Variants in TMEM117 observed in about 807,000 individuals in gnomAD.
TMEM117 encodes transmembrane protein 117.
Under a neutral mutation model 52.4 loss-of-function variants are expected in TMEM117, and 27 were observed. The observed-to-expected ratio is 0.51, with a 90% CI of 0.38 to 0.71. The LOEUF is 0.71. Ranked by LOEUF, TMEM117 falls within the 30% of genes least tolerant of loss-of-function variation. The pLI, the probability that TMEM117 is intolerant of heterozygous loss-of-function variation, is 0.00. For missense variants in TMEM117, 556 were observed against 630.5 expected (o/e 0.88, Z 1.26); for synonymous variants, 215 against 206.3 (o/e 1.04, Z -0.36).
intron 4 of TMEM117, among the ~76,000 whole-genome samples, chr12:44,170,514 A>G (rs565184490): frequency 2.8e-4 from 43 of 152,182 alleles, no homozygotes; most frequent in Non-Finnish European, 5.4e-4. Flanking sequence ...CCTGCTTTGT[A>G]GTAAGTTTTG....
chr12:44,343,183 C>T (rs1035006708), intron 6 of TMEM117, among the ~76,000 whole-genome samples: 1 of 151,890 alleles, frequency 6.6e-6, no homozygotes, highest in African/African-American at 2.4e-5. Flanking sequence ...AAACTCCTGA[C>T]CTCAAGTGAT....
At chr12:43,804,628 T>C in the TMEM117 span, 1 of 1,221,798 alleles carries the variant, frequency 8.2e-7, no homozygotes, top group South Asian at 1.4e-5. Context: ...AATACTTTCC[T>C]ATCTATATTG....
At chr12:44,226,533 AATATAC>A (rs1173856585) in intron 5 of TMEM117, among the ~76,000 whole-genome samples, 1 of 134,982 alleles carries the variant, frequency 7.4e-6, no homozygotes, top group African/African-American at 2.8e-5. Context: ...GTACACATAT[AATATAC>A]ATGTTGTTAT....
intron 2 of TMEM117, among the ~76,000 whole-genome samples, chr12:43,869,663 T>TTA (rs1251844101): frequency 5.9e-5 from 9 of 152,242 alleles, no homozygotes; most frequent in Admixed American, 1.3e-4. Flanking sequence ...TAAACTGTAA[T>TTA]GCTTTCTTTT....
In TMEM117 at chr12:44,263,236, A is replaced by C. The variant is rs192771403; in HGVS notation, c.609-36344A>C. On this transcript the variant is annotated intron_variant, in intron 5 of 7. Coordinates refer to ENST00000266534, the MANE Select transcript of TMEM117 (RefSeq NM_032256.3). ...TGTGGTGTTTCTTTAATGTGGTCAA[A>C]AAACATATGAAAAAAAGCTCATCAT... 2.4e-3 allele frequency among the ~76,000 whole-genome samples: 367 copies of C among 152,324 alleles called. 12 individuals are homozygous for C. In the East Asian group the frequency reaches 0.035, roughly 15 times the overall value.
intron 4 of TMEM117, among the ~76,000 whole-genome samples, chr12:44,186,694 G>A (rs1261719398): frequency 1.3e-5 from 2 of 152,044 alleles, no homozygotes; most frequent in African/African-American, 2.4e-5. Context: ...TAATTTTACT[G>A]TGTCTAATAT....
At chr12:44,033,851 T>C (rs1946671427) in intron 3 of TMEM117, among the ~76,000 whole-genome samples, 1 of 152,230 alleles carries the variant, frequency 6.6e-6, no homozygotes, top group African/African-American at 2.4e-5. Context: ...ATTCTGCCAC[T>C]GGACGTTACT....
At chr12:43,999,304 T>G (rs757682054) in intron 3 of TMEM117, among the ~76,000 whole-genome samples, 1 of 152,230 alleles carries the variant, frequency 6.6e-6, no homozygotes, top group Non-Finnish European at 1.5e-5. Context: ...AGGTTTCTTT[T>G]AAAATGCATA....
At chr12:43,895,430 G>A (rs1216730526) in intron 2 of TMEM117, among the ~76,000 whole-genome samples, 1 of 152,064 alleles carries the variant, frequency 6.6e-6, no homozygotes, top group Non-Finnish European at 1.5e-5. Flanking sequence ...CTGTGGCTTT[G>A]CTATTGTGAA....
intron 2 of TMEM117, among the ~76,000 whole-genome samples, chr12:43,868,396 T>TA (rs200314456): frequency 0.062 from 9,296 of 149,160 alleles, 357 homozygotes; most frequent in Middle Eastern, 0.13. Context: ...ATAATAATAA[T>TA]AAAAAAAAAG....
intron 2 of TMEM117, among the ~76,000 whole-genome samples, chr12:43,900,900 C>G (rs903054061): frequency 6.6e-6 from 1 of 151,814 alleles, no homozygotes; most frequent in African/African-American, 2.4e-5. Context: ...TTAAAATCAC[C>G]TACTATTCGA....
chr12:43,862,616 G>C (rs960859279), intron 2 of TMEM117, among the ~76,000 whole-genome samples: 2 of 152,202 alleles, frequency 1.3e-5, no homozygotes, highest in East Asian at 3.8e-4. Flanking sequence ...AGTACTTCTA[G>C]CTAGTGATAT....
intron 5 of TMEM117, among the ~76,000 whole-genome samples, chr12:44,283,743 G>A (rs1401494266): frequency 2.0e-5 from 3 of 152,112 alleles, no homozygotes; most frequent in South Asian, 2.1e-4. Context: ...TTGGGAAGGC[G>A]TGATTGGTTT....
Position 43,912,507 on chromosome 12 carries a change from TTA to T in TMEM117, c.278-31675_278-31674del, listed in dbSNP as rs56170922. Among the ~76,000 whole-genome samples, 642 of 132,080 alleles carry T rather than the reference TTA, an allele frequency of 4.9e-3. 46 individuals carry two copies. The highest frequency in any genetic ancestry group is 0.023 in the African/African-American group (580 of 25,004). The allele number at this position is 132,080 out of a possible 152,430, so 86.6% of individuals were successfully genotyped here. A position where few individuals can be genotyped will look rare whatever the true frequency, so the allele number is the denominator to read the frequency against. ...AAACTTAAAGTATAATAATAATAAT[TTA>T]TATATATATATATATATATATATAT... On this transcript the variant is annotated intron_variant, in intron 2 of 7. Coordinates refer to ENST00000266534, the MANE Select transcript of TMEM117 (RefSeq NM_032256.3).
intron 3 of TMEM117, among the ~76,000 whole-genome samples, chr12:44,086,214 CTTTTT>C (rs772258917): frequency 8.0e-6 from 1 of 125,378 alleles, no homozygotes. Context: ...GCTTCCAAGT[CTTTTT>C]TTTTTTTTTT....
chr12:43,872,005 C>T (rs969947672), intron 2 of TMEM117, among the ~76,000 whole-genome samples: 2 of 152,100 alleles, frequency 1.3e-5, no homozygotes, highest in Non-Finnish European at 1.5e-5. Flanking sequence ...GTGATCCTCC[C>T]GCCTCAGCCT....
At chr12:44,045,673 T>A (rs1946870659) in intron 3 of TMEM117, among the ~76,000 whole-genome samples, 1 of 152,074 alleles carries the variant, frequency 6.6e-6, no homozygotes, top group Non-Finnish European at 1.5e-5. Context: ...TGAAACCCTG[T>A]CTCTACTAAA....
At chr12:44,373,776 T>C (rs1464685660) in intron 6 of TMEM117, among the ~76,000 whole-genome samples, 2 of 126,920 alleles carry the variant, frequency 1.6e-5, no homozygotes, top group Non-Finnish European at 3.3e-5. Context: ...ATTTCCTTTT[T>C]TTTTTTTTTT....
chr12:44,285,861 G>A (rs1950632292), intron 5 of TMEM117, among the ~76,000 whole-genome samples: 1 of 152,116 alleles, frequency 6.6e-6, no homozygotes, highest in Non-Finnish European at 1.5e-5. Flanking sequence ...GTTTTGCAGT[G>A]AAAAATGAAG....
Sources: allele counts gnomAD v4.1 joint callset (sites outside exome capture counted in the v4.1 genomes callset), GRCh38; gene constraint gnomAD v4.1.1; transcripts MANE v1.5; gene names NCBI Gene and HGNC (gene_info 2026-07-23, HGNC 2026-07-21).